The following EFCAB6 variants were observed in gnomAD, a reference collection of about 807,000 sequenced individuals.
The protein encoded by EFCAB6 is EF-hand calcium-binding domain-containing protein 6.
A neutral mutation model predicts 169.8 loss-of-function variants in EFCAB6; 156 were observed. The observed-to-expected ratio is 0.92, with a 90% CI of 0.81 to 1.05. EFCAB6 has a LOEUF of 1.05. EFCAB6 is among the 50% of genes least tolerant of loss of function. The probability of loss-of-function intolerance (pLI) is 0.00; values close to 1 mark genes in which losing one functional copy is unlikely to be tolerated. For missense variants in EFCAB6, 1,800 were observed against 1,829.1 expected, an observed-to-expected ratio of 0.98 and a Z score of 0.29; for synonymous variants, 698 against 676.4, an observed-to-expected ratio of 1.03 and a Z score of -0.50.
At chr22:43,555,158 G>T in intron 26 of EFCAB6, 62 bp from the exon 27 acceptor site, 2 of 1,561,170 alleles carry the variant, frequency 1.3e-6, no homozygotes, top group Non-Finnish European at 1.8e-6. Context: ...CTTGCTCTGG[G>T]CTCCTCACCC....
At chr22:43,624,628 G>C (rs987913692) in intron 20 of EFCAB6, among the ~76,000 whole-genome samples, 5 of 152,082 alleles carry the variant, frequency 3.3e-5, no homozygotes, top group Non-Finnish European at 5.9e-5. Context: ...CAGCTCAAAC[G>C]TCCCTCCTTT....
chr22:43,643,698 G>C (rs181160622), intron 17 of EFCAB6, among the ~76,000 whole-genome samples: 113 of 152,332 alleles, frequency 7.4e-4, no homozygotes, highest in African/African-American at 2.6e-3. Context: ...CACTAGGTTT[G>C]TTTCTTCACC....
At chr22:43,670,582 G>T (rs1259585064) in intron 15 of EFCAB6, among the ~76,000 whole-genome samples, 2 of 152,190 alleles carry the variant, frequency 1.3e-5, no homozygotes, top group Non-Finnish European at 2.9e-5. Flanking sequence ...TATAGCTGGG[G>T]GCTGAGCATG....
chr22:43,548,576 A>T (rs1177122985), intron 27 of EFCAB6, among the ~76,000 whole-genome samples: 1 of 146,954 alleles, frequency 6.8e-6, no homozygotes, highest in Non-Finnish European at 1.5e-5. Flanking sequence ...AAAAAGGTCA[A>T]CTCAGTAGGA....
chr22:43,684,624 C>T (rs1020388316), intron 11 of EFCAB6, among the ~76,000 whole-genome samples: 6 of 152,222 alleles, frequency 3.9e-5, no homozygotes, highest in Non-Finnish European at 7.3e-5. Flanking sequence ...GTTTTTGTTG[C>T]TGCGTCTATA....
intron 12 of EFCAB6, among the ~76,000 whole-genome samples, chr22:43,680,785 G>A (rs1205722730): frequency 6.6e-6 from 1 of 152,056 alleles, no homozygotes; most frequent in Non-Finnish European, 1.5e-5. Flanking sequence ...ACTGATTTTT[G>A]TATGTTAATC....
chr22:43,739,657 C>T (rs1363971417), intron 6 of EFCAB6, among the ~76,000 whole-genome samples: 2 of 152,170 alleles, frequency 1.3e-5, no homozygotes, highest in African/African-American at 4.8e-5. Context: ...AGTCTCCCAT[C>T]CCAATAAATG....
chr22:43,608,413 C>T, intron 22 of EFCAB6, 69 bp downstream of exon 22: 1 of 1,393,610 alleles, frequency 7.2e-7, no homozygotes, highest in African/African-American at 1.4e-5. Flanking sequence ...AAAGATTAGG[C>T]TGAATTTGCC....
intron 25 of EFCAB6, among the ~76,000 whole-genome samples, chr22:43,578,107 G>C (rs2050379754): frequency 6.6e-6 from 1 of 152,082 alleles, no homozygotes; most frequent in Admixed American, 6.6e-5. Context: ...GGAAAAGAAG[G>C]GCTGCGACAA....
intron 4 of EFCAB6, among the ~76,000 whole-genome samples, chr22:43,771,417 G>A (rs906633845): frequency 6.6e-6 from 1 of 151,992 alleles, no homozygotes; most frequent in African/African-American, 2.4e-5. Context: ...ATGACAGAGT[G>A]AGACTCCATC....
chr22:43,675,874 T>C (rs1367921442), intron 13 of EFCAB6, among the ~76,000 whole-genome samples: 1 of 151,526 alleles, frequency 6.6e-6, no homozygotes, highest in Admixed American at 6.6e-5. Context: ...TTTGGGCCAG[T>C]ATTTCTACTT....
At chr22:43,770,434 T>A (rs563667135) in intron 4 of EFCAB6, among the ~76,000 whole-genome samples, 1 of 152,186 alleles carries the variant, frequency 6.6e-6, no homozygotes, top group African/African-American at 2.4e-5. Context: ...GTGACTAACA[T>A]GTGAAAATTA....
intron 30 of EFCAB6, among the ~76,000 whole-genome samples, chr22:43,532,660 G>A (rs906564811): frequency 6.6e-6 from 1 of 151,980 alleles, no homozygotes; most frequent in African/African-American, 2.4e-5. Flanking sequence ...GCTAGGCTAA[G>A]ATGGAACCTG....
chr22:43,737,288 A>C (rs1266100713), intron 6 of EFCAB6, among the ~76,000 whole-genome samples: 1 of 152,032 alleles, frequency 6.6e-6, no homozygotes, highest in Non-Finnish European at 1.5e-5. Context: ...TCACACACAC[A>C]TGCACAGATA....
At chr22:43,799,500 T>C (rs1002348658) in intron 2 of EFCAB6, among the ~76,000 whole-genome samples, 1 of 152,234 alleles carries the variant, frequency 6.6e-6, no homozygotes. Flanking sequence ...ATTGATGTTG[T>C]ACCAGTGTCA....
chr22:43,804,631 G>C (rs2062845020), intron 2 of EFCAB6, among the ~76,000 whole-genome samples: 1 of 152,036 alleles, frequency 6.6e-6, no homozygotes, highest in Admixed American at 6.6e-5. Flanking sequence ...GGGAATGGTG[G>C]TGGCACGCAC....
chr22:43,648,641 C>A (rs775407306), intron 17 of EFCAB6, among the ~76,000 whole-genome samples: 1 of 152,122 alleles, frequency 6.6e-6, no homozygotes, highest in African/African-American at 2.4e-5. Flanking sequence ...ATTATTCATG[C>A]CCCAAACCTC....
At chr22:43,732,166 C>A (rs1304596195) in intron 7 of EFCAB6, among the ~76,000 whole-genome samples, 2 of 152,256 alleles carry the variant, frequency 1.3e-5, no homozygotes, top group East Asian at 1.9e-4. Context: ...CTCTCCACTC[C>A]GACAGCAGAA....
Position 43,576,306 on chromosome 22 carries a change from G to T in EFCAB6, c.3411C>A (p.Phe1137Leu). 1 of 1,582,156 alleles carries T rather than the reference G, an allele frequency of 6.3e-7. No homozygotes were observed. Among genetic ancestry groups the T allele is most frequent in the South Asian group, 1.2e-5 (1 of 83,956 alleles). ...CTGCAGACATTCTTACCTCCTCAAGGAAACAGCTAAAGTTCTGGAGAAAAT... is the reference window on the plus strand; with the variant it reads ...CTGCAGACATTCTTACCTCCTCAAGTAAACAGCTAAAGTTCTGGAGAAAAT... ...WKYFLQNFSC[F>L]LEETADEWAE... The change falls in exon 26 of 32, where the codon TTC (phenylalanine) becomes TTA (leucine). Residue 1137 changes from phenylalanine (F) to leucine (L), a missense_variant. Coordinates refer to ENST00000262726, the MANE Select transcript of EFCAB6 (RefSeq NM_022785.4).
Sources: allele counts gnomAD v4.1 joint callset (sites outside exome capture counted in the v4.1 genomes callset), GRCh38; gene constraint gnomAD v4.1.1; transcripts MANE v1.5; gene names NCBI Gene and HGNC (gene_info 2026-07-23, HGNC 2026-07-21).